The following CSMD1 variants were observed in gnomAD, a reference collection of about 807,000 sequenced individuals.
CSMD1 encodes the protein CUB and Sushi multiple domains 1.
In CSMD1, 213 loss-of-function variants were observed where a neutral mutation model predicts 417.5. The ratio of observed to expected loss-of-function variants is 0.51; its 90% CI spans 0.46 to 0.57. The LOEUF is 0.57. Among genes scored for constraint, CSMD1 ranks in the 20% least tolerant of loss-of-function variants. The pLI, the probability that CSMD1 is intolerant of heterozygous loss-of-function variation, is 0.00. For missense variants in CSMD1, 6,923 were observed against 4,529.7 expected, an observed-to-expected ratio of 1.53 and a Z score of -15.17; for synonymous variants, 2,862 against 1,736.8, an observed-to-expected ratio of 1.65 and a Z score of -16.11.
chr8:4,785,069 G>T (rs1221133199), intron 1 of CSMD1, among the ~76,000 whole-genome samples: 1 of 152,148 alleles, frequency 6.6e-6, no homozygotes, highest in Non-Finnish European at 1.5e-5. Context: ...ATAACTATCA[G>T]GCAAGAAGGA....
intron 5 of CSMD1, among the ~76,000 whole-genome samples, chr8:3,757,283 C>G (rs1349301254): frequency 6.6e-6 from 1 of 152,124 alleles, no homozygotes; most frequent in Non-Finnish European, 1.5e-5. Flanking sequence ...GGAGTACGTA[C>G]GTATTTCAGG....
At chr8:4,449,556 T>A (rs1039507492) in intron 2 of CSMD1, among the ~76,000 whole-genome samples, 4 of 152,202 alleles carry the variant, frequency 2.6e-5, no homozygotes, top group African/African-American at 9.7e-5. Flanking sequence ...TGGATCCCAA[T>A]GGACTCATCT....
intron 2 of CSMD1, among the ~76,000 whole-genome samples, chr8:4,446,795 G>A (rs13253699): frequency 7.8e-6 from 1 of 128,958 alleles, no homozygotes; most frequent in Non-Finnish European, 1.7e-5. Flanking sequence ...GTGTGTGTGT[G>A]TATTTTTAGT....
intron 7 of CSMD1, among the ~76,000 whole-genome samples, chr8:3,644,831 C>T (rs1797493810): frequency 6.6e-6 from 1 of 151,926 alleles, no homozygotes; most frequent in Non-Finnish European, 1.5e-5. Flanking sequence ...TCCAGGAACC[C>T]CGATGTGGTA....
At chr8:3,043,847 A>T (rs962387925) in intron 50 of CSMD1, 20 of 152,456 alleles carry the variant, frequency 1.3e-4, no homozygotes, top group African/African-American at 4.3e-4. Flanking sequence ...AAAAAAATGC[A>T]ATTTGTTCTC....
At chr8:3,800,739 G>T (rs934122414) in intron 5 of CSMD1, among the ~76,000 whole-genome samples, 1 of 152,070 alleles carries the variant, frequency 6.6e-6, no homozygotes, top group Non-Finnish European at 1.5e-5. Flanking sequence ...GAAAAGATTA[G>T]TTTTGTTGAG....
chr8:4,039,541 C>A (rs776412642), intron 3 of CSMD1, among the ~76,000 whole-genome samples: 1 of 152,128 alleles, frequency 6.6e-6, no homozygotes, highest in South Asian at 2.1e-4. Context: ...ATGACAAAAG[C>A]AATGAGGACC....
At chr8:3,664,011 G>GA (rs1798554080) in intron 7 of CSMD1, among the ~76,000 whole-genome samples, 1 of 152,190 alleles carries the variant, frequency 6.6e-6, no homozygotes, top group African/African-American at 2.4e-5. Context: ...GATGGCTTGA[G>GA]TTAAAGTTCT....
At position 4,766,796 on chromosome 8, in the gene CSMD1, C is replaced by T. The variant is rs1039985566; in HGVS notation, c.86-129238G>A. Among the ~76,000 whole-genome samples the T allele has an allele frequency of 7.2e-5, 11 of 152,240 alleles. No homozygotes were observed. In the East Asian group the frequency reaches 9.7e-4, roughly 13 times the overall value. ...TACGCACAATGAGAGTTGGATTCTACATATGTTACATCAATGGACATTATG... is the reference window on the plus strand; with the variant it reads ...TACGCACAATGAGAGTTGGATTCTATATATGTTACATCAATGGACATTATG... On this transcript the variant is annotated intron_variant, in intron 1 of 69. Transcript: ENST00000635120.
intron 43 of CSMD1, among the ~76,000 whole-genome samples, chr8:3,109,478 T>C (rs541465534): frequency 1.6e-4 from 25 of 152,282 alleles, no homozygotes; most frequent in Admixed American, 1.4e-3. Flanking sequence ...TCATCTTAGA[T>C]GTCTGATTTA....
intron 1 of CSMD1, among the ~76,000 whole-genome samples, chr8:4,698,786 A>T (rs1563166586): frequency 6.6e-6 from 1 of 151,946 alleles, no homozygotes; most frequent in Admixed American, 6.6e-5. Flanking sequence ...ATATAAAAAC[A>T]ATTCTTGCTT....
At chr8:4,025,528 G>A (rs184289158) in intron 4 of CSMD1, among the ~76,000 whole-genome samples, 10 of 152,160 alleles carry the variant, frequency 6.6e-5, no homozygotes, top group African/African-American at 2.2e-4. Flanking sequence ...CTATCTAGCT[G>A]CTTCTTCTCT....
At chr8:3,879,399 C>G (rs185573382) in intron 5 of CSMD1, among the ~76,000 whole-genome samples, 13 of 152,230 alleles carry the variant, frequency 8.5e-5, no homozygotes, top group African/African-American at 2.9e-4. Flanking sequence ...CACTGTAGCA[C>G]AAGCCAATTA....
At chr8:2,939,322 T>C (rs897350324) in intron 69 of CSMD1, among the ~76,000 whole-genome samples, 3 of 152,268 alleles carry the variant, frequency 2.0e-5, no homozygotes, top group Non-Finnish European at 4.4e-5. Flanking sequence ...TTTAAGCTTT[T>C]AGTTCACTGT....
At chr8:3,895,416 C>A (rs1488896643) in intron 5 of CSMD1, among the ~76,000 whole-genome samples, 1 of 151,868 alleles carries the variant, frequency 6.6e-6, no homozygotes, top group Admixed American at 6.6e-5. Context: ...GTTTCTGTGG[C>A]CCTATTAACA....
At chr8:4,794,700 C>G (rs540649059) in intron 1 of CSMD1, among the ~76,000 whole-genome samples, 1 of 152,286 alleles carries the variant, frequency 6.6e-6, no homozygotes, top group East Asian at 1.9e-4. Context: ...TCTCTTAAGG[C>G]CATGTGGCAG....
chr8:3,304,989 T>A (rs944330608), intron 25 of CSMD1, among the ~76,000 whole-genome samples: 1 of 152,188 alleles, frequency 6.6e-6, no homozygotes, highest in African/African-American at 2.4e-5. Flanking sequence ...GAAGTGGTTT[T>A]TACATTACTC....
At chr8:3,092,506 T>C (rs924441650) in intron 47 of CSMD1, among the ~76,000 whole-genome samples, 4 of 152,218 alleles carry the variant, frequency 2.6e-5, no homozygotes, top group African/African-American at 4.8e-5. Context: ...GAATTGGATA[T>C]GGGTGAAGCT....
chr8:4,588,517 G>A (rs189734978), intron 2 of CSMD1, among the ~76,000 whole-genome samples: 1 of 151,702 alleles, frequency 6.6e-6, no homozygotes, highest in Admixed American at 6.6e-5. Context: ...TACTCTGGCC[G>A]GGCATGGTGG....
Sources: gnomAD v4.1 joint callset for allele counts (sites outside exome capture counted in the v4.1 genomes callset) on GRCh38, gnomAD v4.1.1 for gene constraint, MANE v1.5 for transcripts, NCBI Gene and HGNC (gene_info 2026-07-23, HGNC 2026-07-21) for gene names.